Variants in NAV2 observed in about 807,000 individuals in gnomAD.
NAV2 encodes the protein helicase, APC down-regulated 1.
NAV2 carries 54 observed loss-of-function variants against 223.2 expected under a neutral mutation model. The ratio of observed to expected loss-of-function variants is 0.24; its 90% CI spans 0.19 to 0.30. NAV2 has a LOEUF of 0.30. Among genes scored for constraint, NAV2 ranks in the 10% least tolerant of loss-of-function variants. The pLI is 1.00. For synonymous variants in NAV2, 1,279 were observed against 1,239.3 expected, an observed-to-expected ratio of 1.03 and a Z score of -0.67; for missense variants, 2,806 against 3,147.5, an observed-to-expected ratio of 0.89 and a Z score of 2.60.
intron 1 of NAV2, among the ~76,000 whole-genome samples, chr11:19,461,899 G>A (rs542673495): frequency 1.6e-4 from 25 of 152,254 alleles, no homozygotes; most frequent in South Asian, 1.5e-3. Flanking sequence ...TCCGCCTCCC[G>A]GATTCCAGCA....
Position 19,933,172 on chromosome 11 carries a change from G to A in NAV2, c.932-4G>A. On this transcript the variant is annotated splice_polypyrimidine_tract_variant and splice_region_variant and intron_variant, in intron 6 of 37. Transcript: ENST00000349880. This position sits in a 1 kb window ranked among gnomAD's most constrained non-coding sequence, Gnocchi z 4.3. Reference sequence around the variant, plus strand: ...TTCAGGCCTCCTCTCTTCTGTCTCTGCAGAGCCTTTGGCAAGTTCAGCCTC... The same window carrying A: ...TTCAGGCCTCCTCTCTTCTGTCTCTACAGAGCCTTTGGCAAGTTCAGCCTC... The A allele has an allele frequency of 6.6e-7, 1 of 1,523,948 alleles. No individual in the cohort carries two copies. Among genetic ancestry groups the A allele is most frequent in the South Asian group, 1.3e-5 (1 of 76,772 alleles). The allele number at this position is 1,523,948 out of a possible 1,614,324, so 94.4% of individuals were successfully genotyped here. A position where few individuals can be genotyped will look rare whatever the true frequency, so the allele number is the denominator to read the frequency against.
intron 1 of NAV2, among the ~76,000 whole-genome samples, chr11:19,746,999 A>G (rs1269620444): frequency 6.8e-6 from 1 of 147,040 alleles, no homozygotes; most frequent in Non-Finnish European, 1.5e-5. Flanking sequence ...CCATTAACTC[A>G]TCATTTAGCA....
intron 1 of NAV2, among the ~76,000 whole-genome samples, chr11:19,829,917 T>C (rs908759634): frequency 1.3e-5 from 2 of 152,114 alleles, no homozygotes; most frequent in African/African-American, 4.8e-5. Context: ...AGATCTAGGT[T>C]TGGGTTTTGA....
intron 1 of NAV2, among the ~76,000 whole-genome samples, chr11:19,655,717 G>A (rs188294446): frequency 0.014 from 1,718 of 124,564 alleles, 19 homozygotes; most frequent in Non-Finnish European, 0.021. Context: ...ACAGGAAGGG[G>A]AACATCACAC....
chr11:19,979,208 G>T (rs1321058505), intron 10 of NAV2: 1 of 152,222 alleles, frequency 6.6e-6, no homozygotes, highest in African/African-American at 2.4e-5. Flanking sequence ...GTAGAAGAAA[G>T]TACTGATGAG....
intron 14 of NAV2, 69 bp downstream of exon 14, chr11:20,045,739 T>C: frequency 1.5e-6 from 2 of 1,325,222 alleles, no homozygotes; most frequent in Non-Finnish European, 2.1e-6. Context: ...ATTTCCTGTT[T>C]CTTAGTTGAA....
At chr11:20,114,435 A>G (rs2062883178) in intron 36 of NAV2, 157 bp from the exon 37 acceptor site, 2 of 677,450 alleles carry the variant, frequency 3.0e-6, no homozygotes, top group Admixed American at 2.5e-5. Flanking sequence ...AACTGTCTGC[A>G]TCTTGGATGA....
Position 19,512,480 on chromosome 11 carries a change from G to A in NAV2, c.75+161453G>A, listed in dbSNP as rs187086907. Among the ~76,000 whole-genome samples, 498 of 152,308 alleles carry A rather than the reference G, an allele frequency of 3.3e-3. 3 individuals carry two copies. The highest frequency in any genetic ancestry group is 0.031 in the Middle Eastern group (9 of 294). ...GAACCAGAGAGGGAGGCTAGATGAC[G>A]GGGAGGGAGGCAGGGAAAAAATTAA... On this transcript the variant is annotated intron_variant, in intron 1 of 37. Coordinates refer to the NAV2 transcript ENST00000360655.
At chr11:19,671,731 G>C (rs1249123247) in intron 1 of NAV2, among the ~76,000 whole-genome samples, 1 of 152,122 alleles carries the variant, frequency 6.6e-6, no homozygotes, top group Non-Finnish European at 1.5e-5. Flanking sequence ...TCTTGTTTTT[G>C]CTTTATTTGT....
At chr11:19,403,758 G>A (rs535328486) in intron 1 of NAV2, among the ~76,000 whole-genome samples, 2 of 152,286 alleles carry the variant, frequency 1.3e-5, no homozygotes, top group African/African-American at 4.8e-5. Flanking sequence ...GATGTCAGGT[G>A]CCAGGTGGCT....
chr11:19,409,249 A>T (rs1850038665), intron 1 of NAV2, among the ~76,000 whole-genome samples: 1 of 152,232 alleles, frequency 6.6e-6, no homozygotes, highest in Non-Finnish European at 1.5e-5. Flanking sequence ...AAAAAGAGAA[A>T]GTAAGAAAGA....
intron 6 of NAV2, among the ~76,000 whole-genome samples, chr11:19,916,323 A>G (rs1180909885): frequency 6.6e-6 from 1 of 152,234 alleles, no homozygotes; most frequent in Non-Finnish European, 1.5e-5. Flanking sequence ...AGCCCAAAGC[A>G]TCACAGGGTT....
At chr11:19,589,267 A>C (rs951629949) in intron 1 of NAV2, among the ~76,000 whole-genome samples, 1 of 152,076 alleles carries the variant, frequency 6.6e-6, no homozygotes, top group African/African-American at 2.4e-5. Context: ...ACGAACAAAC[A>C]AAAAAAACCT....
At chr11:19,828,408 T>C (rs112314035) in intron 1 of NAV2, among the ~76,000 whole-genome samples, 7 of 152,268 alleles carry the variant, frequency 4.6e-5, no homozygotes, top group African/African-American at 1.7e-4. Context: ...AATTTGATTC[T>C]TGTAGGTACC....
At position 20,119,094 on chromosome 11, in the gene NAV2, T is replaced by G. The variant is rs1420189102; in HGVS notation, c.*836T>G. The G allele has an allele frequency of 1.3e-5, 2 of 151,054 alleles. No individual in the cohort carries two copies. The highest frequency in any genetic ancestry group is 4.2e-4 in the South Asian group (2 of 4,766). 9.4% of individuals were successfully genotyped at this position (151,054 alleles called of 1,614,324 possible). On this transcript the variant is annotated 3_prime_UTR_variant, in exon 38 of 38. Transcript: ENST00000349880. ...TTTTTTTTTTTTTCTGCAAACACTG[T>G]GTATAGTGAGACTTGTTCTACTTTG... is the stretch of plus-strand genomic sequence containing the variant.
chr11:19,473,846 C>T (rs998980200), intron 1 of NAV2, among the ~76,000 whole-genome samples: 59 of 152,196 alleles, frequency 3.9e-4, no homozygotes, highest in Non-Finnish European at 7.1e-4. Context: ...TTATACTTGC[C>T]CGAAGTTTCA....
intron 6 of NAV2, among the ~76,000 whole-genome samples, chr11:19,932,508 T>C (rs1240740671): frequency 1.3e-5 from 2 of 152,076 alleles, no homozygotes; most frequent in Non-Finnish European, 2.9e-5. Context: ...TAGTAGAGAC[T>C]GGGTTTCACC....
chr11:19,653,768 G>A (rs1365575690), intron 1 of NAV2, among the ~76,000 whole-genome samples: 2 of 152,174 alleles, frequency 1.3e-5, no homozygotes, highest in Non-Finnish European at 2.9e-5. Context: ...TTTTGCAGAC[G>A]AGGAACACAA....
At chr11:19,890,653 G>A (rs1008695764) in intron 5 of NAV2, among the ~76,000 whole-genome samples, 8 of 152,188 alleles carry the variant, frequency 5.3e-5, no homozygotes, top group Non-Finnish European at 8.8e-5. Flanking sequence ...GGGAGGCCCA[G>A]ATCTTCACCT....
Sources: gnomAD v4.1 joint callset for allele counts (sites outside exome capture counted in the v4.1 genomes callset) on GRCh38, gnomAD v4.1.1 for gene constraint, Gnocchi (gnomAD v3.1) non-coding constraint, MANE v1.5 for transcripts, NCBI Gene and HGNC (gene_info 2026-07-23, HGNC 2026-07-21) for gene names.